Variants in GOLGA3 observed in about 807,000 individuals in gnomAD.
GOLGA3 encodes the protein golgin subfamily A member 3.
Under a neutral mutation model 169.4 loss-of-function variants are expected in GOLGA3, and 75 were observed. The observed-to-expected ratio is 0.44, with a 90% confidence interval of 0.37 to 0.54. The LOEUF (loss-of-function observed/expected upper bound fraction) is 0.54, where lower values mean the gene tolerates loss of function less well. GOLGA3 is among the 20% of genes least tolerant of loss of function. The probability of loss-of-function intolerance (pLI) is 0.00; values close to 1 mark genes in which losing one functional copy is unlikely to be tolerated. For missense variants in GOLGA3, 1,899 were observed against 1,930.0 expected (o/e 0.98, Z 0.30); for synonymous variants, 824 against 822.4 (o/e 1.00, Z -0.03).
rs1161358428 is a variant in GOLGA3 at position 132,773,312 on chromosome 12, G to A, written c.4308-18C>T. On this transcript the variant is annotated intron_variant, in intron 23 of 23. Coordinates refer to ENST00000450791, the MANE Select transcript of GOLGA3 (RefSeq NM_001389683.1). ...TCTCCTGCCTGGGACAGAAGAAGGA[G>A]GAAGAAGGCCCAGATCACACAAGTG... 2.2e-6 allele frequency: 3 copies of A among 1,356,542 alleles called. No homozygotes were observed. The highest frequency in any genetic ancestry group is 3.0e-5 in the African/African-American group (2 of 66,038). 84.0% of individuals were successfully genotyped at this position (1,356,542 alleles called of 1,614,324 possible).
chr12:132,773,866 CTG>C (rs1420501603), intron 23 of GOLGA3, among the ~76,000 whole-genome samples: 5 of 105,000 alleles, frequency 4.8e-5, no homozygotes, highest in Admixed American at 1.1e-4. Context: ...ACCGCAGAGG[CTG>C]TGAGTCCCTC....
chr12:132,825,894 A>G (rs529574747), intron 1 of GOLGA3: 2 of 962,434 alleles, frequency 2.1e-6, no homozygotes, highest in African/African-American at 3.2e-5. Flanking sequence ...TTCACTGGTG[A>G]TGTCTCCATT....
chr12:132,809,703 C>T (rs901023297), intron 4 of GOLGA3, among the ~76,000 whole-genome samples: 3 of 152,060 alleles, frequency 2.0e-5, no homozygotes, highest in Admixed American at 2.0e-4. Context: ...GATTATAGAG[C>T]GAGGATTATC....
At chr12:132,816,442 C>T (rs1274114102) in intron 3 of GOLGA3, 98 bp downstream of exon 3, 2 of 1,286,828 alleles carry the variant, frequency 1.6e-6, no homozygotes, top group Non-Finnish European at 2.2e-6. Context: ...GGCACAGGCA[C>T]ACAACAGCTC....
rs376068160 is a variant in GOLGA3, at chr12:132,822,038, G to A, written c.91C>T (p.Pro31Ser). The change falls in exon 2 of 24, where the codon CCG becomes TCG. Residue 31 changes from proline (P) to serine (S), a missense_variant. Transcript: ENST00000450791. ...TGGTCAGGTGGCACCAGTGGGCCCG[G>A]GGGCTTCAGTGGGGCCTCGGGGAGA... ...SSLPEAPLKP[P>S]GPLVPPDQQD... is the part of the protein sequence containing the mutation. 1.2e-6 allele frequency: 2 copies of A among 1,609,128 alleles called. No individual in the cohort carries two copies. Among genetic ancestry groups the A allele is most frequent in the Admixed American group, 1.7e-5 (1 of 58,844 alleles).
At chr12:132,775,051 G>T in intron 22 of GOLGA3, 90 bp downstream of exon 22, 1 of 1,161,134 alleles carries the variant, frequency 8.6e-7, no homozygotes, top group Non-Finnish European at 1.2e-6. Flanking sequence ...ATCCGTTTAT[G>T]TCTGAATGAC....
At chr12:132,787,933 C>T (rs2046014720) in intron 13 of GOLGA3, among the ~76,000 whole-genome samples, 1 of 152,018 alleles carries the variant, frequency 6.6e-6, no homozygotes, top group South Asian at 2.1e-4. Flanking sequence ...CCCCGGATGC[C>T]CTCCTCAGGA....
intron 2 of GOLGA3, among the ~76,000 whole-genome samples, 187 bp from the exon 3 acceptor site, chr12:132,816,999 A>G (rs1949986634): frequency 6.6e-6 from 1 of 152,102 alleles, no homozygotes; most frequent in South Asian, 2.1e-4. Flanking sequence ...GGTGGCCAGG[A>G]TAAGGCCCAC....
chr12:132,801,659 CA>C (rs3830259), intron 8 of GOLGA3, 107 bp downstream of exon 8: 2 of 588,796 alleles, frequency 3.4e-6, no homozygotes, highest in Non-Finnish European at 4.5e-6. Context: ...AGGTTAAAAA[CA>C]AAAACATGCC....
At chr12:132,806,086 G>A (rs1026490475) in intron 6 of GOLGA3, among the ~76,000 whole-genome samples, 22 of 152,144 alleles carry the variant, frequency 1.4e-4, no homozygotes, top group African/African-American at 4.8e-4. Context: ...GGCCTACAGG[G>A]GCAGGGATCC....
chr12:132,773,984 G>A (rs1163674044), intron 23 of GOLGA3, among the ~76,000 whole-genome samples, 173 bp downstream of exon 23: 4 of 150,272 alleles, frequency 2.7e-5, no homozygotes, highest in African/African-American at 9.8e-5. Context: ...GGCTGTGTGT[G>A]CAAGTCCCTC....
intron 6 of GOLGA3, among the ~76,000 whole-genome samples, chr12:132,806,360 G>C (rs1026050750): frequency 6.6e-6 from 1 of 152,230 alleles, no homozygotes; most frequent in African/African-American, 2.4e-5. Flanking sequence ...TGTAACACTG[G>C]AGAAGTGACG....
intron 8 of GOLGA3, among the ~76,000 whole-genome samples, chr12:132,800,366 C>G (rs904685663): frequency 6.6e-6 from 1 of 150,846 alleles, no homozygotes; most frequent in African/African-American, 2.4e-5. Flanking sequence ...TGGTGGCGGG[C>G]GCCTGTAATC....
In GOLGA3 at chr12:132,772,298, C is replaced by CT. The variant is rs1315871616; in HGVS notation, c.*806dup. The CT allele has an allele frequency of 6.6e-6, 1 of 152,072 alleles. No homozygotes were observed. The highest frequency in any genetic ancestry group is 2.4e-5 in the African/African-American group (1 of 41,392). 9.4% of individuals were successfully genotyped at this position (152,072 alleles called of 1,614,324 possible). On this transcript the variant is annotated 3_prime_UTR_variant, in exon 24 of 24. Coordinates refer to ENST00000450791, the MANE Select transcript of GOLGA3 (RefSeq NM_001389683.1). The stretch of plus-strand genomic sequence containing the variant: ...GGGGCTCACGCCTGTAATCCCAGCA[C>CT]TTTGGGAGGCTGAGATGGGCAGATC...
intron 2 of GOLGA3, among the ~76,000 whole-genome samples, chr12:132,818,223 T>G (rs2136731187): frequency 6.6e-6 from 1 of 152,270 alleles, no homozygotes; most frequent in East Asian, 1.9e-4. Flanking sequence ...ACCTCCACAC[T>G]CTTGGCTGTA....
In GOLGA3 at chr12:132,772,148, C is replaced by A. The variant is rs1444245229; in HGVS notation, c.*957G>T. ...AATTATATTTCTTAGAATTTTCTGA[C>A]TATCCCTAAATCCTGCAGGTAAATT... is the stretch of plus-strand genomic sequence containing the variant. On this transcript the variant is annotated 3_prime_UTR_variant, in exon 24 of 24. Transcript: ENST00000450791. 1 of 152,266 alleles carries A rather than the reference C, an allele frequency of 6.6e-6. No individual in the cohort carries two copies. The highest frequency in any genetic ancestry group is 1.9e-4 in the East Asian group (1 of 5,206). 9.4% of individuals were successfully genotyped at this position (152,266 alleles called of 1,614,324 possible).
At chr12:132,785,414 G>A (rs2045844267) in intron 15 of GOLGA3, among the ~76,000 whole-genome samples, 1 of 152,116 alleles carries the variant, frequency 6.6e-6, no homozygotes, top group Non-Finnish European at 1.5e-5. Context: ...AGGCTGAGGC[G>A]ATCCTCCCAC....
rs555103680 is a variant in GOLGA3 at position 132,813,425 on chromosome 12, G to A, written c.407-6C>T. 1.3e-6 allele frequency: 2 copies of A among 1,526,204 alleles called. No individual in the cohort carries two copies. Among genetic ancestry groups the A allele is most frequent in the Middle Eastern group, 1.7e-4 (1 of 5,862 alleles). 94.5% of individuals were successfully genotyped at this position (1,526,204 alleles called of 1,614,324 possible). Reference sequence around the variant, plus strand: ...CAGGGGAGAATCTGTAGAGCCTGCAGTGGGAAAAGGGCAATTTGGAAACTC... The same window carrying A: ...CAGGGGAGAATCTGTAGAGCCTGCAATGGGAAAAGGGCAATTTGGAAACTC... On this transcript the variant is annotated splice_polypyrimidine_tract_variant and splice_region_variant and intron_variant, in intron 3 of 23. Coordinates refer to ENST00000450791, the MANE Select transcript of GOLGA3 (RefSeq NM_001389683.1).
chr12:132,773,394 G>T, intron 23 of GOLGA3, 100 bp from the exon 24 acceptor site: 1 of 680,664 alleles, frequency 1.5e-6, no homozygotes, highest in Non-Finnish European at 2.3e-6. Flanking sequence ...GAGTGGACCG[G>T]GGCGCCTTCG....
Sources: allele counts gnomAD v4.1 joint callset (sites outside exome capture counted in the v4.1 genomes callset), GRCh38; gene constraint gnomAD v4.1.1; transcripts MANE v1.5; gene names NCBI Gene and HGNC (gene_info 2026-07-23, HGNC 2026-07-21).